Variants in ELMO1 observed in about 807,000 individuals in gnomAD.
The protein encoded by ELMO1 is engulfment and cell motility 1.
A neutral mutation model predicts 98.9 loss-of-function variants in ELMO1; 26 were observed. The ratio of observed to expected loss-of-function variants is 0.26; its 90% CI spans 0.19 to 0.36. The LOEUF is 0.36. Ranked by LOEUF, ELMO1 falls within the 10% of genes least tolerant of loss-of-function variation. The probability of loss-of-function intolerance (pLI) is 1.00; values close to 1 mark genes in which losing one functional copy is unlikely to be tolerated. For synonymous variants in ELMO1, 346 were observed against 346.0 expected, an observed-to-expected ratio of 1.00 and a Z score of 0.00; for missense variants, 627 against 935.2, an observed-to-expected ratio of 0.67 and a Z score of 4.30.
At chr7:36,902,805 CAG>C (rs1006743731) in intron 16 of ELMO1, among the ~76,000 whole-genome samples, 1 of 152,174 alleles carries the variant, frequency 6.6e-6, no homozygotes, top group Non-Finnish European at 1.5e-5. Flanking sequence ...CTCTGAGGAT[CAG>C]AGTTTTCAGG....
chr7:37,242,493 T>C (rs1562547163), intron 7 of ELMO1, among the ~76,000 whole-genome samples: 1 of 152,214 alleles, frequency 6.6e-6, no homozygotes, highest in Non-Finnish European at 1.5e-5. Flanking sequence ...TTTTCCTATT[T>C]CCTTACATAC....
At chr7:36,952,700 A>G (rs997319987) in intron 16 of ELMO1, among the ~76,000 whole-genome samples, 4 of 152,220 alleles carry the variant, frequency 2.6e-5, no homozygotes, top group African/African-American at 7.2e-5. Flanking sequence ...AAAAGGGGGA[A>G]AAAACTGAAT....
chr7:37,119,016 T>C (rs1387191231), intron 14 of ELMO1, among the ~76,000 whole-genome samples: 1 of 152,230 alleles, frequency 6.6e-6, no homozygotes, highest in African/African-American at 2.4e-5. Flanking sequence ...TGTGTGACTT[T>C]GGACAAACCA....
At chr7:37,104,344 G>A (rs540747143) in intron 14 of ELMO1, among the ~76,000 whole-genome samples, 1 of 151,816 alleles carries the variant, frequency 6.6e-6, no homozygotes, top group Non-Finnish European at 1.5e-5. Context: ...TAACTTTAAT[G>A]TGTGTCAGAA....
At chr7:37,281,770 A>C (rs146022138) in intron 4 of ELMO1, among the ~76,000 whole-genome samples, 224 of 152,360 alleles carry the variant, frequency 1.5e-3, no homozygotes, top group African/African-American at 5.3e-3. Context: ...GGTAATAAAT[A>C]AAGTCTGAAG....
intron 14 of ELMO1, among the ~76,000 whole-genome samples, chr7:37,102,033 A>G (rs938720956): frequency 6.6e-6 from 1 of 152,190 alleles, no homozygotes; most frequent in Non-Finnish European, 1.5e-5. Context: ...AAGCCTTATC[A>G]GTATCAATGA....
chr7:36,967,000 G>A (rs1035992763), intron 16 of ELMO1, among the ~76,000 whole-genome samples: 6 of 152,176 alleles, frequency 3.9e-5, no homozygotes, highest in Admixed American at 2.6e-4. Context: ...AAGGTATAAC[G>A]TGCTTGGTTG....
rs1802300328 is a variant in ELMO1, at chr7:37,375,527, G to T, written c.-73-32764C>A. 4.1e-6 allele frequency: 4 copies of T among 973,550 alleles called. No homozygotes were observed. The Admixed American group carries it at 7.7e-5, about 19-fold the overall frequency. The allele number at this position is 973,550 out of a possible 1,614,324, so 60.3% of individuals were successfully genotyped here. A position where few individuals can be genotyped will look rare whatever the true frequency, so the allele number is the denominator to read the frequency against. ...CGGACCCCAGAGCCACCAAGATGTT[G>T]ATGCCTAAGAAGAACCAGATTGCCA... is the stretch of plus-strand genomic sequence containing the variant. On this transcript the variant is annotated intron_variant, in intron 1 of 21. Coordinates refer to ENST00000310758, the MANE Select transcript of ELMO1 (RefSeq NM_014800.11).
intron 1 of ELMO1, among the ~76,000 whole-genome samples, chr7:37,348,195 A>T (rs1355963367): frequency 6.6e-6 from 1 of 152,228 alleles, no homozygotes; most frequent in Non-Finnish European, 1.5e-5. Flanking sequence ...AAATTACCAA[A>T]GTAGATAACC....
At chr7:36,901,936 A>G (rs1783597074) in intron 16 of ELMO1, among the ~76,000 whole-genome samples, 1 of 152,320 alleles carries the variant, frequency 6.6e-6, no homozygotes, top group East Asian at 1.9e-4. Context: ...CCGACAGATT[A>G]AAGAGAGGTG....
chr7:37,057,181 T>C (rs532732876), intron 15 of ELMO1, among the ~76,000 whole-genome samples: 1 of 152,332 alleles, frequency 6.6e-6, no homozygotes, highest in South Asian at 2.1e-4. Context: ...TTTTACATTA[T>C]TTTTTCCTTT....
chr7:37,259,152 C>T (rs766278858), intron 6 of ELMO1, 29 bp downstream of exon 6: 1 of 1,595,242 alleles, frequency 6.3e-7, no homozygotes, highest in Non-Finnish European at 8.6e-7. Context: ...CGCAGGACAG[C>T]TGTGGAAGTT....
chr7:37,340,552 G>A (rs1482586344), intron 2 of ELMO1, among the ~76,000 whole-genome samples: 1 of 152,198 alleles, frequency 6.6e-6, no homozygotes, highest in Non-Finnish European at 1.5e-5. Flanking sequence ...AAAATCCGGT[G>A]AAATCCAAAT....
intron 1 of ELMO1, among the ~76,000 whole-genome samples, chr7:37,370,935 T>G (rs953390264): frequency 6.6e-6 from 1 of 150,928 alleles, no homozygotes; most frequent in African/African-American, 2.4e-5. Flanking sequence ...GAAAAACTCT[T>G]GCTCATCTAC....
intron 13 of ELMO1, among the ~76,000 whole-genome samples, chr7:37,179,265 G>A (rs1437196490): frequency 6.8e-6 from 1 of 146,814 alleles, no homozygotes; most frequent in Admixed American, 6.9e-5. Flanking sequence ...TAATCTGAAT[G>A]TTTGCATATA....
intron 4 of ELMO1, among the ~76,000 whole-genome samples, chr7:37,287,630 G>A (rs1426378532): frequency 6.6e-6 from 1 of 152,186 alleles, no homozygotes; most frequent in African/African-American, 2.4e-5. Flanking sequence ...TTCAAGCAAT[G>A]AAAAGTTTAC....
chr7:37,413,563 T>G (rs537655896), intron 1 of ELMO1, among the ~76,000 whole-genome samples: 1 of 152,320 alleles, frequency 6.6e-6, no homozygotes, highest in East Asian at 1.9e-4. Context: ...AGAAATCCCC[T>G]TGGCCAAAAA....
Position 36,968,473 on chromosome 7 carries a change from T to C in ELMO1, c.1437+44826A>G, listed in dbSNP as rs568841259. On this transcript the variant is annotated intron_variant, in intron 16 of 21. Transcript: ENST00000310758. Reference sequence around the variant, plus strand: ...AAATATATTATTCACAGATAGCCCATAGTTATTTTGTTTGTGCAGGCATGC... The same window carrying C: ...AAATATATTATTCACAGATAGCCCACAGTTATTTTGTTTGTGCAGGCATGC... Among the ~76,000 whole-genome samples, 18 of 152,294 alleles carry C rather than the reference T, an allele frequency of 1.2e-4. No homozygotes were observed. In the South Asian group the frequency reaches 1.2e-3, roughly 11 times the overall value.
At chr7:37,016,265 T>C (rs1272332938) in intron 15 of ELMO1, among the ~76,000 whole-genome samples, 1 of 152,164 alleles carries the variant, frequency 6.6e-6, no homozygotes, top group Non-Finnish European at 1.5e-5. Flanking sequence ...AATAATTAAC[T>C]AGATAATTCG....
Sources: allele counts gnomAD v4.1 joint callset (sites outside exome capture counted in the v4.1 genomes callset), GRCh38; gene constraint gnomAD v4.1.1; transcripts MANE v1.5; gene names NCBI Gene and HGNC (gene_info 2026-07-23, HGNC 2026-07-21).